Variants in ADGRG1 observed in about 807,000 individuals in gnomAD.
ADGRG1 encodes adhesion G protein-coupled receptor G1, also known as 7-transmembrane protein with no EGF-like N-terminal domains-1.
In ADGRG1, 53 loss-of-function variants were observed where a neutral mutation model predicts 73.5. The ratio of observed to expected loss-of-function variants is 0.72; its 90% CI spans 0.58 to 0.91. The LOEUF (loss-of-function observed/expected upper bound fraction) is 0.91, where lower values mean the gene tolerates loss of function less well. ADGRG1 is among the 40% of genes least tolerant of loss of function. The probability of loss-of-function intolerance (pLI) is 0.00; values close to 1 mark genes in which losing one functional copy is unlikely to be tolerated. For missense variants in ADGRG1, 795 were observed against 871.8 expected (o/e 0.91, Z 1.11); for synonymous variants, 394 against 374.4 (o/e 1.05, Z -0.60).
intron 9 of ADGRG1, 134 bp from the exon 10 acceptor site, chr16:57,657,239 C>A: frequency 7.8e-7 from 1 of 1,284,514 alleles, no homozygotes; most frequent in Non-Finnish European, 1.1e-6. Flanking sequence ...GGACCACATT[C>A]TGCTCAGTTG....
chr16:57,634,279 T>G, intron 1 of ADGRG1: 3 of 985,374 alleles, frequency 3.0e-6, no homozygotes, highest in Non-Finnish European at 3.6e-6. Flanking sequence ...GTCAGACAAC[T>G]GCCCAGACCC....
At chr16:57,631,968 CAGG>C in intron 1 of ADGRG1, 1 of 984,398 alleles carries the variant, frequency 1.0e-6, no homozygotes, top group East Asian at 1.1e-4. Flanking sequence ...CCTGCCCTGG[CAGG>C]AGGTCAGCTA....
upstream of ADGRG1, chr16:57,619,891 G>T (rs559618238): frequency 6.6e-6 from 1 of 152,414 alleles, no homozygotes. Flanking sequence ...GGTGAGGGGT[G>T]GGGGGACTCA....
chr16:57,655,570 GT>G, intron 6 of ADGRG1, 40 bp downstream of exon 6: 1 of 1,612,818 alleles, frequency 6.2e-7, no homozygotes, highest in South Asian at 1.1e-5. Flanking sequence ...GGAGAAAGCA[GT>G]TTTTTTCTGA....
chr16:57,647,228 C>G (rs372682617), intron 1 of ADGRG1: 2 of 985,288 alleles, frequency 2.0e-6, no homozygotes, highest in Non-Finnish European at 2.4e-6. Flanking sequence ...CCTGTCCCAA[C>G]GGGCTTCTGG....
chr16:57,656,436 G>A (rs2045749588), intron 8 of ADGRG1, 78 bp from the exon 9 acceptor site: 1 of 1,601,860 alleles, frequency 6.2e-7, no homozygotes, highest in Non-Finnish European at 8.5e-7. Flanking sequence ...GAATGACACA[G>A]TCGTGCTTTT....
chr16:57,655,078 A>G, intron 5 of ADGRG1: 2 of 985,214 alleles, frequency 2.0e-6, no homozygotes, highest in Non-Finnish European at 2.4e-6. Context: ...AACCACCCAC[A>G]CTGCCCACAT....
At position 57,656,268 on chromosome 16, in the gene ADGRG1, A is replaced by C. The variant is rs761718726; in HGVS notation, c.1060A>C (p.Thr354Pro). The C allele has an allele frequency of 6.2e-7, 1 of 1,604,514 alleles. No homozygotes were observed. Among genetic ancestry groups the C allele is most frequent in the East Asian group, 2.3e-5 (1 of 44,136 alleles). ...LQCVFWVEDP[T>P]LSSPGHWSSA... ...ATGTGTGTTCTGGGTTGAAGACCCC[A>C]CATGTGAGTATGCAGGGGTCTCTGG... Residue 354 changes from threonine to proline, a missense_variant, in exon 8 of 14, where the codon ACA becomes CCA. Coordinates refer to ENST00000562631, the MANE Select transcript of ADGRG1 (RefSeq NM_201525.4).
At chr16:57,631,486 G>C in intron 1 of ADGRG1, 2 of 985,602 alleles carry the variant, frequency 2.0e-6, no homozygotes, top group South Asian at 9.4e-5. Context: ...AGGGAGGAGA[G>C]GGGAGTGTGA....
At chr16:57,648,801 T>G in intron 1 of ADGRG1, 4 of 692,586 alleles carry the variant, frequency 5.8e-6, no homozygotes, top group Non-Finnish European at 7.1e-6. Flanking sequence ...CGGCTGGCCA[T>G]AGGGAGGGCC....
chr16:57,631,524 C>T, intron 1 of ADGRG1: 1 of 985,514 alleles, frequency 1.0e-6, no homozygotes, highest in Non-Finnish European at 1.2e-6. Flanking sequence ...CCAGCACCAC[C>T]TCCTCCTCCC....
At position 57,654,073 on chromosome 16, in the gene ADGRG1, G is replaced by T. The variant is rs752439023; in HGVS notation, c.708G>T (p.Thr236=). The T allele has an allele frequency of 1.2e-6, 2 of 1,613,950 alleles. No individual in the cohort carries two copies. The highest frequency in any genetic ancestry group is 1.1e-5 in the South Asian group (1 of 91,080). Reference sequence around the variant, plus strand: ...TCGAGGAGGACCGGATCAACGCCACGGTGTGGAAGCTCCAGCCCACAGCCG... The same window carrying T: ...TCGAGGAGGACCGGATCAACGCCACTGTGTGGAAGCTCCAGCCCACAGCCG... ...VSFEEDRINA[T]VWKLQPTAGL... The change falls in exon 5 of 14, where the codon ACG becomes ACT. Residue 236 remains threonine (T), a synonymous_variant. Transcript: ENST00000562631.
upstream of ADGRG1, among the ~76,000 whole-genome samples, chr16:57,625,196 G>A (rs757164109): frequency 6.6e-6 from 1 of 152,142 alleles, no homozygotes; most frequent in Non-Finnish European, 1.5e-5. Flanking sequence ...GACCTTCTCT[G>A]GGCCTGGCGA....
chr16:57,624,212 C>T (rs1596939839), upstream of ADGRG1: 2 of 977,948 alleles, frequency 2.0e-6, no homozygotes, highest in Admixed American at 1.2e-4. Flanking sequence ...AAATACCCAC[C>T]TCTGAGGCTG....
At chr16:57,631,522 A>G in intron 1 of ADGRG1, 1 of 985,084 alleles carries the variant, frequency 1.0e-6, no homozygotes, top group South Asian at 4.7e-5. Context: ...CCCCAGCACC[A>G]CCTCCTCCTC....
At position 57,655,409 on chromosome 16, in the gene ADGRG1, G is replaced by A. The variant is rs1456075225; in HGVS notation, c.779G>A (p.Ser260Asn). 6.2e-6 allele frequency: 10 copies of A among 1,613,388 alleles called. No individual in the cohort carries two copies. The East Asian group carries it at 1.3e-4, about 22-fold the overall frequency. Reference protein sequence around the residue: ...HIHSRQEEEQSEIMEYSVLLP... With the variant: ...HIHSRQEEEQNEIMEYSVLLP... ...AAGGGACCTCTGCAGGAGGAGCAGA[G>A]CGAGATCATGGAGTACTCGGTGCTG... The change falls in exon 6 of 14, where the codon AGC becomes AAC. Residue 260 changes from serine to asparagine, a missense_variant. By Grantham distance (46) the Ser-to-Asn change is conservative. Transcript: ENST00000562631.
In ADGRG1 at chr16:57,654,068, G is replaced by T; in HGVS notation, c.703G>T (p.Ala235Ser). 6.2e-7 allele frequency: 1 copy of T among 1,613,962 alleles called. No homozygotes were observed. The highest frequency in any genetic ancestry group is 8.5e-7 in the Non-Finnish European group (1 of 1,180,034). ...MVSFEEDRIN[A>S]TVWKLQPTAG... ...GTCCTTCGAGGAGGACCGGATCAAC[G>T]CCACGGTGTGGAAGCTCCAGCCCAC... Residue 235 changes from alanine to serine, a missense_variant, in exon 5 of 14, where the codon GCC (alanine) becomes TCC (serine). Coordinates refer to ENST00000562631, the MANE Select transcript of ADGRG1 (RefSeq NM_201525.4).
At chr16:57,624,062 T>A, upstream of ADGRG1, 1 of 343,954 alleles carries the variant, frequency 2.9e-6, no homozygotes, top group Non-Finnish European at 4.1e-6. Context: ...TTGGCATTCA[T>A]GTGGACTTTA....
Position 57,663,707 on chromosome 16 carries a change from T to A in ADGRG1, c.*125T>A. The A allele has an allele frequency of 9.3e-7, 1 of 1,078,926 alleles. No homozygotes were observed. The highest frequency in any genetic ancestry group is 1.4e-6 in the Non-Finnish European group (1 of 722,372). The allele number at this position is 1,078,926 out of a possible 1,614,324, so 66.8% of individuals were successfully genotyped here. ...CAGACTTTGGAAAGCCCAACGACCA[T>A]GGAGAGATGGGCCGTTGCCATGGTG... On this transcript the variant is annotated 3_prime_UTR_variant, in exon 14 of 14. Coordinates refer to ENST00000562631, the MANE Select transcript of ADGRG1 (RefSeq NM_201525.4).
Sources: allele counts gnomAD v4.1 joint callset (sites outside exome capture counted in the v4.1 genomes callset), GRCh38; gene constraint gnomAD v4.1.1; transcripts MANE v1.5; gene names NCBI Gene and HGNC (gene_info 2026-07-23, HGNC 2026-07-21).